The following RANBP3L variants were observed in gnomAD, a reference collection of about 807,000 sequenced individuals.
The protein encoded by RANBP3L is ran-binding protein 3-like.
RANBP3L carries 56 observed loss-of-function variants against 67.2 expected under a neutral mutation model. The ratio of observed to expected loss-of-function variants is 0.83; its 90% CI spans 0.67 to 1.04. The LOEUF (loss-of-function observed/expected upper bound fraction) is 1.04. RANBP3L is among the 50% of genes least tolerant of loss of function. RANBP3L has a pLI of 0.00. For synonymous variants in RANBP3L, 164 were observed against 181.4 expected (o/e 0.90, Z 0.77); for missense variants, 496 against 535.5 (o/e 0.93, Z 0.73).
At chr5:36,286,258 T>C (rs1444048318) in intron 1 of RANBP3L, among the ~76,000 whole-genome samples, 1 of 152,174 alleles carries the variant, frequency 6.6e-6, no homozygotes. Context: ...TGGTTATTTC[T>C]AGCTCCCCAA....
chr5:36,296,575 T>C (rs1460390015), intron 1 of RANBP3L, among the ~76,000 whole-genome samples: 1 of 152,194 alleles, frequency 6.6e-6, no homozygotes, highest in Non-Finnish European at 1.5e-5. Flanking sequence ...AAGCAGCTCT[T>C]AATAACTGTG....
At chr5:36,274,988 A>G (rs571842274) in intron 1 of RANBP3L, among the ~76,000 whole-genome samples, 2 of 152,264 alleles carry the variant, frequency 1.3e-5, no homozygotes, top group African/African-American at 4.8e-5. Context: ...TAAAACTTAA[A>G]GGTTAATTTT....
chr5:36,257,351 T>C (rs898341432), intron 9 of RANBP3L, 103 bp downstream of exon 9: 27 of 458,590 alleles, frequency 5.9e-5, no homozygotes, highest in African/African-American at 8.2e-5. Context: ...TTAAATCTTA[T>C]AGTAAATATT....
chr5:36,279,451 G>A (rs1750823522), intron 1 of RANBP3L, among the ~76,000 whole-genome samples: 1 of 152,156 alleles, frequency 6.6e-6, no homozygotes, highest in Admixed American at 6.6e-5. Flanking sequence ...TACTAACTGT[G>A]ATGGGACACT....
intron 10 of RANBP3L, 32 bp from the exon 11 acceptor site, chr5:36,255,622 A>G: frequency 1.9e-6 from 3 of 1,547,028 alleles, no homozygotes; most frequent in South Asian, 2.3e-5. Flanking sequence ...TGTCAAATAT[A>G]TAGAAAATTT....
At chr5:36,252,157 G>T (rs1748639554) in intron 12 of RANBP3L, among the ~76,000 whole-genome samples, 1 of 151,924 alleles carries the variant, frequency 6.6e-6, no homozygotes, top group Admixed American at 6.6e-5. Flanking sequence ...TTAAATATAT[G>T]CTTGTTTCCC....
chr5:36,292,293 G>C (rs1256249492), intron 1 of RANBP3L, among the ~76,000 whole-genome samples: 2 of 151,774 alleles, frequency 1.3e-5, no homozygotes, highest in Non-Finnish European at 2.9e-5. Context: ...GTAGATTCTG[G>C]ATATTAGCCC....
chr5:36,268,795 GC>G (rs1749996064), intron 4 of RANBP3L, among the ~76,000 whole-genome samples: 1 of 150,478 alleles, frequency 6.6e-6, no homozygotes, highest in African/African-American at 2.4e-5. Context: ...TGCAGCCTCC[GC>G]CTCCCAGGTT....
chr5:36,258,034 T>A (rs1044270480), intron 8 of RANBP3L, among the ~76,000 whole-genome samples: 17 of 152,290 alleles, frequency 1.1e-4, no homozygotes, highest in African/African-American at 3.8e-4. Context: ...TACCAAGGTA[T>A]TTCAGTATCC....
intron 1 of RANBP3L, among the ~76,000 whole-genome samples, chr5:36,297,969 C>T (rs867083550): frequency 7.9e-5 from 12 of 151,942 alleles, no homozygotes; most frequent in South Asian, 6.2e-4. Flanking sequence ...TGGAAGGACA[C>T]GAAGCATTTT....
intron 1 of RANBP3L, among the ~76,000 whole-genome samples, chr5:36,277,242 A>T (rs16902914): frequency 0.019 from 2,926 of 151,458 alleles, 136 homozygotes; most frequent in South Asian, 0.18. Flanking sequence ...GCACTGTCTC[A>T]CCCCAATCTC....
chr5:36,290,029 T>C (rs1341308010), intron 1 of RANBP3L, among the ~76,000 whole-genome samples: 1 of 152,146 alleles, frequency 6.6e-6, no homozygotes, highest in Admixed American at 6.5e-5. Flanking sequence ...CTTGTAAATG[T>C]TTTTCATCAG....
chr5:36,296,554 A>G (rs1230000211), intron 1 of RANBP3L, among the ~76,000 whole-genome samples: 1 of 152,210 alleles, frequency 6.6e-6, no homozygotes, highest in African/African-American at 2.4e-5. Flanking sequence ...ATGTGGCAGA[A>G]AGTACATTGA....
intron 1 of RANBP3L, among the ~76,000 whole-genome samples, chr5:36,271,883 T>C (rs557737322): frequency 6.4e-4 from 97 of 152,326 alleles, no homozygotes; most frequent in African/African-American, 2.1e-3. Context: ...GCCAGCCTTA[T>C]TAATATTTTG....
chr5:36,286,910 A>G (rs1423987570), intron 1 of RANBP3L, among the ~76,000 whole-genome samples: 1 of 152,162 alleles, frequency 6.6e-6, no homozygotes, highest in Non-Finnish European at 1.5e-5. Flanking sequence ...TGCTTAAATC[A>G]GATCTCCATT....
intron 1 of RANBP3L, among the ~76,000 whole-genome samples, chr5:36,272,988 G>A (rs923552397): frequency 6.6e-6 from 1 of 152,034 alleles, no homozygotes; most frequent in Admixed American, 6.6e-5. Context: ...TCTTCCCTTG[G>A]AGCCAAGTGA....
At chr5:36,266,653 G>A (rs993158771) in intron 4 of RANBP3L, among the ~76,000 whole-genome samples, 2 of 152,096 alleles carry the variant, frequency 1.3e-5, no homozygotes, top group East Asian at 1.9e-4. Flanking sequence ...ATTAAAGCAC[G>A]TGCATAGATA....
chr5:36,265,550 A>G, intron 4 of RANBP3L, 30 bp from the exon 5 acceptor site: 1 of 1,326,814 alleles, frequency 7.5e-7, no homozygotes, highest in Non-Finnish European at 1.1e-6. Context: ...AATTTTTTTA[A>G]ATACAGAAGA....
chr5:36,251,322 T>C lies in RANBP3L; in HGVS notation c.1345A>G (p.Asn449Asp). ...NEDDFIQVTK[N>D]GSDPSSWTHR... The stretch of plus-strand genomic sequence containing the variant: ...AACAAAAGCTATTTACCTGATCCAT[T>C]TTTAGTGACTTGGATGAAATCATCC... Residue 449 changes from asparagine to aspartate, a missense_variant, in exon 13 of 14, where the codon AAT becomes GAT. Asn to Asp is a conservative substitution (Grantham distance 23, BLOSUM62 1). Coordinates refer to ENST00000296604, the MANE Select transcript of RANBP3L (RefSeq NM_145000.5). 6.2e-7 allele frequency: 1 copy of C among 1,611,522 alleles called. No homozygotes were observed. The highest frequency in any genetic ancestry group is 8.5e-7 in the Non-Finnish European group (1 of 1,178,606).
Sources: allele counts gnomAD v4.1 joint callset (sites outside exome capture counted in the v4.1 genomes callset), GRCh38; gene constraint gnomAD v4.1.1; transcripts MANE v1.5; gene names NCBI Gene and HGNC (gene_info 2026-07-23, HGNC 2026-07-21).